TRARG1: variants seen among roughly 807,000 people sequenced by gnomAD.
The protein encoded by TRARG1 is trafficking regulator of GLUT4 (SLC2A4) 1 (gene/pseudogene).
TRARG1 carries 16 observed loss-of-function variants against 13.3 expected under a neutral mutation model. That is an observed-to-expected ratio of 1.20 (90% CI 0.81 to 1.83). The LOEUF (loss-of-function observed/expected upper bound fraction) is 1.83, where lower values mean the gene tolerates loss of function less well. Among genes scored for constraint, TRARG1 ranks in the 40% most tolerant of loss-of-function variants. The probability of loss-of-function intolerance (pLI) is 0.00; values close to 1 mark genes in which losing one functional copy is unlikely to be tolerated. For missense variants in TRARG1, 250 were observed against 237.4 expected (o/e 1.05, Z -0.35); for synonymous variants, 113 against 106.2 (o/e 1.06, Z -0.39).
intron 1 of TRARG1, among the ~76,000 whole-genome samples, chr17:1,287,090 A>G (rs977779937): frequency 2.0e-5 from 3 of 151,830 alleles, no homozygotes; most frequent in Non-Finnish European, 4.4e-5. Context: ...TGGAAGAGAA[A>G]AGGGGCCATG....
In TRARG1 at chr17:1,297,592, C is replaced by CTT. The variant is rs35978298; in HGVS notation, c.521-634_521-633dup. Among the ~76,000 whole-genome samples, 284 of 97,914 alleles carry CTT rather than the reference C, an allele frequency of 2.9e-3. 5 individuals carry two copies. Among genetic ancestry groups the CTT allele is most frequent in the African/African-American group, 0.011 (269 of 25,258 alleles). The allele number at this position is 97,914 out of a possible 152,430, so 64.2% of individuals were successfully genotyped here. ...CTGCTGCTTGTTATTTTAGCCAGGACTTTTTTTTTTTTTTTTTTTTTTTTT... is the reference window on the plus strand; with the variant it reads ...CTGCTGCTTGTTATTTTAGCCAGGACTTTTTTTTTTTTTTTTTTTTTTTTTTT... On this transcript the variant is annotated intron_variant, in intron 2 of 2. Transcript: ENST00000333813.
intron 2 of TRARG1, 120 bp downstream of exon 2, chr17:1,295,743 G>T: frequency 7.9e-7 from 1 of 1,267,508 alleles, no homozygotes; most frequent in South Asian, 1.6e-5. Flanking sequence ...GGCTGGTGGG[G>T]GCCCCGGCCT....
rs1435209058 is a variant in TRARG1, at chr17:1,279,989, G to A, written c.-13G>A. 2.5e-6 allele frequency: 4 copies of A among 1,599,430 alleles called. No homozygotes were observed. Among genetic ancestry groups the A allele is most frequent in the African/African-American group, 2.7e-5 (2 of 74,548 alleles). Reference sequence around the variant, plus strand: ...CCAGCCTGGAGCTGCAGCCGCGCAAGGCCCAGGCCCCCATGGCCCACCCGG... The same window carrying A: ...CCAGCCTGGAGCTGCAGCCGCGCAAAGCCCAGGCCCCCATGGCCCACCCGG... On this transcript the variant is annotated 5_prime_UTR_variant, in exon 1 of 3. Transcript: ENST00000333813.
rs908952104 is a variant in TRARG1 at position 1,285,034 on chromosome 17, A to T, written c.387+4646A>T. ...GTGTTGGCATTTGGGAAGCAGATGG[A>T]TGGGATAAGTAGACGGTCTGGCTGA... On this transcript the variant is annotated intron_variant, in intron 1 of 2. Coordinates refer to ENST00000333813, the MANE Select transcript of TRARG1 (RefSeq NM_172367.3). Among the ~76,000 whole-genome samples the T allele has an allele frequency of 3.3e-5, 5 of 152,062 alleles. No homozygotes were observed. The South Asian group carries it at 1.0e-3, about 32-fold the overall frequency.
In TRARG1 at chr17:1,298,431, A is replaced by G. The variant is rs2072128422; in HGVS notation, c.*167A>G. On this transcript the variant is annotated 3_prime_UTR_variant, in exon 3 of 3. Transcript: ENST00000333813. The stretch of plus-strand genomic sequence containing the variant: ...CCCCAGTCACCCACTGTCAGCCCCC[A>G]TCTGACAAGAAAGCCTGGAGCGAGG... 1 of 648,488 alleles carries G rather than the reference A, an allele frequency of 1.5e-6. No homozygotes were observed. The highest frequency in any genetic ancestry group is 3.0e-5 in the Admixed American group (1 of 33,218). The allele number at this position is 648,488 out of a possible 1,614,324, so 40.2% of individuals were successfully genotyped here.
intron 1 of TRARG1, among the ~76,000 whole-genome samples, chr17:1,288,755 C>T (rs2072046005): frequency 1.7e-5 from 1 of 60,346 alleles, no homozygotes; most frequent in African/African-American, 7.2e-5. Context: ...GCTCCCCATC[C>T]CCCACGGGTT....
intron 1 of TRARG1, among the ~76,000 whole-genome samples, chr17:1,291,692 A>G (rs1318459748): frequency 6.6e-6 from 1 of 152,162 alleles, no homozygotes; most frequent in Non-Finnish European, 1.5e-5. Context: ...ATACACGTTC[A>G]AAGAGTGCCA....
rs564107305 is a variant in TRARG1, at chr17:1,298,471, G to T, written c.*207G>T. On this transcript the variant is annotated 3_prime_UTR_variant, in exon 3 of 3. Transcript: ENST00000333813. ...CTGGAGCGAGGAAGGAAAGCACAGC[G>T]AACCCAATGGGTAACGTGGTTTACT... 1.7e-4 allele frequency: 89 copies of T among 534,492 alleles called. 1 individual carries two copies. Among genetic ancestry groups the T allele is most frequent in the Non-Finnish European group, 2.5e-4 (77 of 303,618 alleles). The allele number at this position is 534,492 out of a possible 1,614,324, so 33.1% of individuals were successfully genotyped here.
At chr17:1,280,447 C>A in intron 1 of TRARG1, 59 bp downstream of exon 1, 2 of 1,487,834 alleles carry the variant, frequency 1.3e-6, no homozygotes, top group Non-Finnish European at 9.0e-7. Flanking sequence ...GCAGGTGTTT[C>A]CCCCAGGCAG....
chr17:1,291,740 G>A (rs2072070964), intron 1 of TRARG1, among the ~76,000 whole-genome samples: 1 of 152,190 alleles, frequency 6.6e-6, no homozygotes, highest in Non-Finnish European at 1.5e-5. Flanking sequence ...GAGGAATCTT[G>A]GTGGGCTTCA....
intron 1 of TRARG1, among the ~76,000 whole-genome samples, chr17:1,285,531 C>T (rs1237401055): frequency 1.3e-5 from 2 of 152,074 alleles, no homozygotes; most frequent in Admixed American, 1.3e-4. Flanking sequence ...ATGGTGAAAC[C>T]TCATCTCTAC....
intron 1 of TRARG1, among the ~76,000 whole-genome samples, chr17:1,294,996 T>C (rs1338056242): frequency 6.6e-6 from 1 of 152,098 alleles, no homozygotes; most frequent in African/African-American, 2.4e-5. Flanking sequence ...CAATGTCTCT[T>C]TTTATGGAGG....
chr17:1,291,501 C>T (rs12450930), intron 1 of TRARG1, among the ~76,000 whole-genome samples: 39,533 of 152,170 alleles, frequency 0.26, 5,405 homozygotes, highest in East Asian at 0.39. Context: ...CCGCCCCTTC[C>T]GCCATGATTG....
rs1465791745 is a variant in TRARG1, at chr17:1,279,886, A to G, written c.-116A>G. The G allele has an allele frequency of 1.2e-5, 15 of 1,248,482 alleles. No individual in the cohort carries two copies. The highest frequency in any genetic ancestry group is 1.6e-5 in the Non-Finnish European group (15 of 917,754). 77.3% of individuals were successfully genotyped at this position (1,248,482 alleles called of 1,614,324 possible). On this transcript the variant is annotated 5_prime_UTR_variant, in exon 1 of 3. Coordinates refer to ENST00000333813, the MANE Select transcript of TRARG1 (RefSeq NM_172367.3). ...CAGCCGGCCCTCCGTCTCCTGAGGGACGCCCCTGCCCCCGACCTGGAGGCC... is the reference window on the plus strand; with the variant it reads ...CAGCCGGCCCTCCGTCTCCTGAGGGGCGCCCCTGCCCCCGACCTGGAGGCC...
At chr17:1,280,629 A>T (rs545764431) in intron 1 of TRARG1, among the ~76,000 whole-genome samples, 1 of 152,066 alleles carries the variant, frequency 6.6e-6, no homozygotes, top group South Asian at 2.1e-4. Context: ...TCGACTTTGC[A>T]CCTGTGTCTG....
In TRARG1 at chr17:1,285,064, G is replaced by A. The variant is rs563184515; in HGVS notation, c.387+4676G>A. 2.6e-5 allele frequency among the ~76,000 whole-genome samples: 4 copies of A among 152,242 alleles called. No homozygotes were observed. The South Asian group carries it at 6.2e-4, about 24-fold the overall frequency. The stretch of plus-strand genomic sequence containing the variant: ...ATAAGTAGACGGTCTGGCTGACATG[G>A]CAGAAGGCTGCAAGGGGTGTGATGG... On this transcript the variant is annotated intron_variant, in intron 1 of 2. Transcript: ENST00000333813.
At chr17:1,292,031 C>T (rs2072072926) in intron 1 of TRARG1, among the ~76,000 whole-genome samples, 2 of 151,976 alleles carry the variant, frequency 1.3e-5, no homozygotes, top group Middle Eastern at 3.2e-3. Context: ...ATCAGCCAGG[C>T]GTGGTGGATG....
chr17:1,283,988 G>A (rs1454268686), intron 1 of TRARG1, among the ~76,000 whole-genome samples: 8 of 151,816 alleles, frequency 5.3e-5, no homozygotes, highest in Admixed American at 2.0e-4. Context: ...GGCAGTGGGC[G>A]CCTGTAGTCC....
rs2072128622 is a variant in TRARG1, at chr17:1,298,461, A to G, written c.*197A>G. 5.3e-6 allele frequency: 3 copies of G among 562,564 alleles called. No homozygotes were observed. Among genetic ancestry groups the G allele is most frequent in the Non-Finnish European group, 6.1e-6 (2 of 325,470 alleles). The allele number at this position is 562,564 out of a possible 1,614,324, so 34.8% of individuals were successfully genotyped here. On this transcript the variant is annotated 3_prime_UTR_variant, in exon 3 of 3. Coordinates refer to ENST00000333813, the MANE Select transcript of TRARG1 (RefSeq NM_172367.3). ...ACAAGAAAGCCTGGAGCGAGGAAGGAAAGCACAGCGAACCCAATGGGTAAC... is the reference window on the plus strand; with the variant it reads ...ACAAGAAAGCCTGGAGCGAGGAAGGGAAGCACAGCGAACCCAATGGGTAAC...
Sources: allele counts gnomAD v4.1 joint callset (sites outside exome capture counted in the v4.1 genomes callset), GRCh38; gene constraint gnomAD v4.1.1; transcripts MANE v1.5; gene names NCBI Gene and HGNC (gene_info 2026-07-23, HGNC 2026-07-21).